The following ZNF678 variants were observed in gnomAD, a reference collection of about 807,000 sequenced individuals.
ZNF678 encodes zinc finger protein 678.
ZNF678 carries 5 observed loss-of-function variants against 3.0 expected under a neutral mutation model. The ratio of observed to expected loss-of-function variants is 1.69; its 90% CI spans 0.88 to 3.56. ZNF678 has a LOEUF of 3.56. ZNF678 is among the 30% of genes most tolerant of loss of function. The probability of loss-of-function intolerance (pLI) is 0.00; values close to 1 mark genes in which losing one functional copy is unlikely to be tolerated. For synonymous variants in ZNF678, 218 were observed against 199.6 expected, an observed-to-expected ratio of 1.09 and a Z score of -0.78; for missense variants, 593 against 605.0, an observed-to-expected ratio of 0.98 and a Z score of 0.21.
chr1:227,635,850 T>C (rs1395886511), intron 1 of ZNF678, among the ~76,000 whole-genome samples: 2 of 152,118 alleles, frequency 1.3e-5, no homozygotes, highest in Non-Finnish European at 2.9e-5. Flanking sequence ...GGAGGAGTTA[T>C]TCATCTCCTT....
chr1:227,672,723 C>A (rs1316036529), intron 5 of ZNF678, among the ~76,000 whole-genome samples: 3 of 152,088 alleles, frequency 2.0e-5, no homozygotes, highest in Non-Finnish European at 2.9e-5. Flanking sequence ...TTATGAGAAC[C>A]TTGCAGGCTC....
intron 1 of ZNF678, among the ~76,000 whole-genome samples, chr1:227,609,219 T>C (rs954822489): frequency 2.0e-5 from 3 of 149,988 alleles, no homozygotes; most frequent in Non-Finnish European, 4.4e-5. Flanking sequence ...CAATGCACAG[T>C]CAAAACATTA....
chr1:227,577,371 A>T (rs1657012374), intron 1 of ZNF678, among the ~76,000 whole-genome samples: 1 of 152,128 alleles, frequency 6.6e-6, no homozygotes, highest in Non-Finnish European at 1.5e-5. Context: ...TGGGAGTCTA[A>T]ATTTCTTTGA....
chr1:227,629,848 G>A (rs906537127), intron 1 of ZNF678, among the ~76,000 whole-genome samples: 6 of 152,136 alleles, frequency 3.9e-5, no homozygotes, highest in Non-Finnish European at 8.8e-5. Flanking sequence ...GACCGCACTG[G>A]AAGCAAGCCC....
intron 1 of ZNF678, among the ~76,000 whole-genome samples, chr1:227,591,418 T>G (rs991802541): frequency 1.3e-5 from 2 of 152,154 alleles, no homozygotes; most frequent in Non-Finnish European, 2.9e-5. Flanking sequence ...GTATCTACAT[T>G]TATTTTCACA....
At chr1:227,668,232 A>G (rs540640909) in intron 5 of ZNF678, among the ~76,000 whole-genome samples, 47 of 152,350 alleles carry the variant, frequency 3.1e-4, no homozygotes, top group Admixed American at 5.2e-4. Context: ...AGGTTTCATA[A>G]TAGTTTAGCC....
intron 1 of ZNF678, chr1:227,598,485 T>G: frequency 7.2e-7 from 1 of 1,393,394 alleles, no homozygotes; most frequent in Non-Finnish European, 9.3e-7. Context: ...TTTCTTATGC[T>G]TCTTTTTCTT....
intron 1 of ZNF678, among the ~76,000 whole-genome samples, chr1:227,570,064 C>G: frequency 6.6e-6 from 1 of 152,166 alleles, no homozygotes; most frequent in Non-Finnish European, 1.5e-5. Flanking sequence ...ACCAGGAGCA[C>G]ATGTGGTTGT....
rs1659374759 is a variant in ZNF678, at chr1:227,660,485, A to C, written c.*4657A>C. ...TTTTATTTGGAAGTAAACTTTCTGTAACTATTGCAGGTGTCAATTGTTTTC... is the reference window on the plus strand; with the variant it reads ...TTTTATTTGGAAGTAAACTTTCTGTCACTATTGCAGGTGTCAATTGTTTTC... On this transcript the variant is annotated 3_prime_UTR_variant, in exon 4 of 4. Transcript: ENST00000343776. The C allele has an allele frequency of 6.6e-6, 1 of 152,042 alleles. No individual in the cohort carries two copies. Among genetic ancestry groups the C allele is most frequent in the South Asian group, 2.1e-4 (1 of 4,836 alleles). 9.4% of individuals were successfully genotyped at this position (152,042 alleles called of 1,614,324 possible).
chr1:227,626,314 C>T (rs1289211507), intron 1 of ZNF678, among the ~76,000 whole-genome samples: 1 of 152,030 alleles, frequency 6.6e-6, no homozygotes, highest in Non-Finnish European at 1.5e-5. Flanking sequence ...GGGTTTGACT[C>T]GAATGTGATG....
Position 227,654,544 on chromosome 1 carries a change from A to T in ZNF678, c.294A>T (p.Gln98His). Residue 98 changes from glutamine (Q) to histidine (H), a missense_variant, in exon 4 of 4, where the codon CAA becomes CAT. By Grantham distance (24) the Gln-to-His change is conservative. Coordinates refer to ENST00000343776, the MANE Select transcript of ZNF678 (RefSeq NM_001367909.1). ...CATCAACTAAAAGCAAAATCTTTCAATGTATTGAATGTGGCAGAAATTTTA... is the reference window on the plus strand; with the variant it reads ...CATCAACTAAAAGCAAAATCTTTCATTGTATTGAATGTGGCAGAAATTTTA... ...QCSSTKSKIF[Q>H]CIECGRNFSW... is the part of the protein sequence containing the mutation. The T allele has an allele frequency of 1.2e-6, 2 of 1,613,346 alleles. No individual in the cohort carries two copies. The highest frequency in any genetic ancestry group is 1.1e-5 in the South Asian group (1 of 91,050).
intron 1 of ZNF678, among the ~76,000 whole-genome samples, chr1:227,584,966 G>A (rs1657220748): frequency 6.6e-6 from 1 of 152,158 alleles, no homozygotes; most frequent in Non-Finnish European, 1.5e-5. Context: ...TTATAGATGG[G>A]CCTAGAGTAA....
At chr1:227,664,829 C>G (rs1055133810), downstream of ZNF678, among the ~76,000 whole-genome samples, 1 of 151,934 alleles carries the variant, frequency 6.6e-6, no homozygotes, top group Non-Finnish European at 1.5e-5. Flanking sequence ...CCCAAAGGCC[C>G]TGGTGGGCTA....
intron 1 of ZNF678, among the ~76,000 whole-genome samples, chr1:227,608,911 G>A (rs75074382): frequency 2.1e-4 from 32 of 152,164 alleles, no homozygotes; most frequent in African/African-American, 7.5e-4. Flanking sequence ...TTGCCCTCAG[G>A]TAAATTTGAA....
chr1:227,587,858 G>A (rs1394248851), intron 1 of ZNF678, among the ~76,000 whole-genome samples: 3 of 149,414 alleles, frequency 2.0e-5, no homozygotes, highest in Non-Finnish European at 3.0e-5. Context: ...AAATTCAGGG[G>A]TACATGTGCA....
intron 1 of ZNF678, among the ~76,000 whole-genome samples, chr1:227,634,118 C>T (rs111747107): frequency 1.3e-5 from 2 of 152,148 alleles, no homozygotes; most frequent in African/African-American, 4.8e-5. Context: ...TCTATACACC[C>T]GCTGGGCCAG....
At chr1:227,612,148 C>T (rs769622705) in intron 1 of ZNF678, among the ~76,000 whole-genome samples, 5 of 152,150 alleles carry the variant, frequency 3.3e-5, no homozygotes, top group Admixed American at 1.3e-4. Flanking sequence ...CAAGTCACAT[C>T]TGGATGGGCA....
rs1558158427 is a variant in ZNF678, at chr1:227,655,355, A to C, written c.1105A>C (p.Arg369=). 2 of 1,612,822 alleles carry C rather than the reference A, an allele frequency of 1.2e-6. No individual in the cohort carries two copies. The highest frequency in any genetic ancestry group is 2.2e-5 in the East Asian group (1 of 44,824). ...ATTCTCAAACCTCACTCAGCATAAA[A>C]GAATTCATACTGGAGAGAAACCCTA... The part of the protein sequence containing the change: ...TQFSNLTQHK[R]IHTGEKPYKC... The change falls in exon 4 of 4, where the codon AGA becomes CGA. Residue 369 remains arginine (R), a synonymous_variant. Coordinates refer to ENST00000343776, the MANE Select transcript of ZNF678 (RefSeq NM_001367909.1).
chr1:227,572,362 TG>T (rs1245336046), intron 1 of ZNF678, among the ~76,000 whole-genome samples: 1 of 152,228 alleles, frequency 6.6e-6, no homozygotes, highest in Non-Finnish European at 1.5e-5. Flanking sequence ...CAAAGTTCTT[TG>T]CCAAGTTCAC....
Sources: gnomAD v4.1 joint callset for allele counts (sites outside exome capture counted in the v4.1 genomes callset) on GRCh38, gnomAD v4.1.1 for gene constraint, MANE v1.5 for transcripts, NCBI Gene and HGNC (gene_info 2026-07-23, HGNC 2026-07-21) for gene names.